MARCHF1: variants seen among roughly 807,000 people sequenced by gnomAD.
The protein encoded by MARCHF1 is E3 ubiquitin-protein ligase MARCHF1.
A neutral mutation model predicts 54.2 loss-of-function variants in MARCHF1; 40 were observed. The observed-to-expected ratio is 0.74, with a 90% CI of 0.57 to 0.96. The LOEUF (loss-of-function observed/expected upper bound fraction) is 0.96, where lower values mean the gene tolerates loss of function less well. MARCHF1 is among the 40% of genes least tolerant of loss of function. The probability of loss-of-function intolerance (pLI) is 0.00; values close to 1 mark genes in which losing one functional copy is unlikely to be tolerated. For synonymous variants in MARCHF1, 236 were observed against 236.3 expected (o/e 1.00, Z 0.01); for missense variants, 586 against 656.5 (o/e 0.89, Z 1.17).
At chr4:164,350,453 T>G (rs1297124106) in intron 1 of MARCHF1, among the ~76,000 whole-genome samples, 1 of 152,158 alleles carries the variant, frequency 6.6e-6, no homozygotes, top group Non-Finnish European at 1.5e-5. Flanking sequence ...ATAGGATGAA[T>G]ATATTTAATA....
chr4:164,206,264 C>T (rs1731603896), intron 1 of MARCHF1, among the ~76,000 whole-genome samples: 1 of 152,054 alleles, frequency 6.6e-6, no homozygotes, highest in Non-Finnish European at 1.5e-5. Context: ...TGGCGAAATC[C>T]CGTCTCTACT....
intron 1 of MARCHF1, among the ~76,000 whole-genome samples, chr4:164,286,814 C>T (rs1024542152): frequency 6.7e-6 from 1 of 149,866 alleles, no homozygotes; most frequent in South Asian, 2.1e-4. Flanking sequence ...CAGAAACATA[C>T]ACATGATTTA....
rs1747805389 is a variant in MARCHF1, at chr4:163,792,736, A to G, written c.111+61285T>C. On this transcript the variant is annotated intron_variant, in intron 4 of 9. Coordinates refer to ENST00000514618, the MANE Select transcript of MARCHF1 (RefSeq NM_001394959.1). ...AGAATTAAACGTTAAGAACCACAAC[A>G]CTTAAAAACTACATATTGCAATGTA... Among the ~76,000 whole-genome samples, 6 of 152,158 alleles carry G rather than the reference A, an allele frequency of 3.9e-5. No individual in the cohort carries two copies. In the South Asian group the frequency reaches 1.2e-3, roughly 31 times the overall value.
chr4:164,153,236 G>T (rs1252920388), intron 1 of MARCHF1, among the ~76,000 whole-genome samples: 2 of 149,728 alleles, frequency 1.3e-5, no homozygotes, highest in Non-Finnish European at 1.5e-5. Context: ...CACTAAAGCA[G>T]TCACTTACAC....
At chr4:163,673,514 C>T (rs561775998) in intron 5 of MARCHF1, among the ~76,000 whole-genome samples, 1 of 151,850 alleles carries the variant, frequency 6.6e-6, no homozygotes, top group Non-Finnish European at 1.5e-5. Flanking sequence ...AAACAAAACA[C>T]TAACAGAAGA....
At chr4:163,553,512 C>G (rs1189556468) in intron 8 of MARCHF1, among the ~76,000 whole-genome samples, 1 of 152,042 alleles carries the variant, frequency 6.6e-6, no homozygotes, top group Non-Finnish European at 1.5e-5. Flanking sequence ...ACTATGTGAA[C>G]AAAGATAAGA....
At chr4:163,766,909 A>T (rs1746992637) in intron 4 of MARCHF1, among the ~76,000 whole-genome samples, 1 of 152,152 alleles carries the variant, frequency 6.6e-6, no homozygotes, top group South Asian at 2.1e-4. Flanking sequence ...TATGTAAAAA[A>T]TAGTTTCCTC....
chr4:163,782,823 T>C (rs962073664), intron 4 of MARCHF1, among the ~76,000 whole-genome samples: 4 of 152,002 alleles, frequency 2.6e-5, no homozygotes, highest in Non-Finnish European at 1.5e-5. Flanking sequence ...GAATATGAAG[T>C]ACTAGAACTA....
rs139292416 is a variant in MARCHF1, at chr4:163,827,749, A to G, written c.111+26272T>C. On this transcript the variant is annotated intron_variant, in intron 4 of 9. Transcript: ENST00000514618. ...TAATATTATTAATTCTTTGTATACTATGTATACACTGAACCTTATTTTGCA... is the reference window on the plus strand; with the variant it reads ...TAATATTATTAATTCTTTGTATACTGTGTATACACTGAACCTTATTTTGCA... 5.9e-3 allele frequency among the ~76,000 whole-genome samples: 898 copies of G among 152,242 alleles called. 9 individuals are homozygous for G. The highest frequency in any genetic ancestry group is 0.021 in the African/African-American group (853 of 41,540).
chr4:163,748,965 G>A (rs886500652), intron 4 of MARCHF1, among the ~76,000 whole-genome samples: 9 of 152,210 alleles, frequency 5.9e-5, no homozygotes, highest in Non-Finnish European at 1.2e-4. Flanking sequence ...TCATGTGAAC[G>A]TGTAAGGGTC....
intron 2 of MARCHF1, among the ~76,000 whole-genome samples, chr4:164,040,103 T>C (rs2111016159): frequency 6.9e-6 from 1 of 145,718 alleles, no homozygotes; most frequent in African/African-American, 2.5e-5. Flanking sequence ...TATAAGTATA[T>C]TTTTCAATTA....
intron 4 of MARCHF1, among the ~76,000 whole-genome samples, chr4:163,736,805 ATAGT>A (rs1746047158): frequency 1.3e-5 from 2 of 152,192 alleles, no homozygotes; most frequent in Non-Finnish European, 2.9e-5. Context: ...CAGTCAACAG[ATAGT>A]TATTTTACAC....
rs543598834 is a variant in MARCHF1, at chr4:163,759,717, TAA to T, written c.112-58856_112-58855del. ...TGTTAATTTATTTTTTCTTCTTTTTTAAAAGACTTTTTTCTTTTATAAAAGCC... is the reference window on the plus strand; with the variant it reads ...TGTTAATTTATTTTTTCTTCTTTTTTAAGACTTTTTTCTTTTATAAAAGCC... On this transcript the variant is annotated intron_variant, in intron 4 of 9. Transcript: ENST00000514618. Among the ~76,000 whole-genome samples the T allele has an allele frequency of 2.9e-3, 439 of 152,346 alleles. 3 individuals carry two copies. The highest frequency in any genetic ancestry group is 0.01 in the African/African-American group (430 of 41,586).
intron 1 of MARCHF1, among the ~76,000 whole-genome samples, chr4:164,209,319 C>G (rs1731701231): frequency 6.6e-6 from 1 of 152,166 alleles, no homozygotes; most frequent in African/African-American, 2.4e-5. Context: ...CTTCCAAGAT[C>G]TCCATACTCA....
intron 1 of MARCHF1, among the ~76,000 whole-genome samples, chr4:164,216,887 AAT>A (rs1211972579): frequency 6.6e-6 from 1 of 152,182 alleles, no homozygotes; most frequent in Non-Finnish European, 1.5e-5. Flanking sequence ...ATAACCCAAG[AAT>A]ACTTTAACTA....
At chr4:164,020,040 G>A (rs758203122) in intron 2 of MARCHF1, among the ~76,000 whole-genome samples, 2 of 152,152 alleles carry the variant, frequency 1.3e-5, no homozygotes, top group African/African-American at 4.8e-5. Flanking sequence ...TTATTTCAGA[G>A]AAGCAATCTT....
intron 1 of MARCHF1, among the ~76,000 whole-genome samples, chr4:164,149,065 T>C (rs1251854724): frequency 1.3e-5 from 2 of 152,186 alleles, no homozygotes; most frequent in Non-Finnish European, 2.9e-5. Context: ...TTTTACCCTA[T>C]GAGTTCATGT....
intron 1 of MARCHF1, among the ~76,000 whole-genome samples, chr4:164,171,957 T>C (rs1730536082): frequency 6.6e-6 from 1 of 152,326 alleles, no homozygotes; most frequent in South Asian, 2.1e-4. Context: ...AAATGTATAG[T>C]TGAGCGCTGT....
chr4:163,865,966 T>C (rs892555101), intron 3 of MARCHF1, among the ~76,000 whole-genome samples: 8 of 151,672 alleles, frequency 5.3e-5, no homozygotes, highest in Non-Finnish European at 1.2e-4. Flanking sequence ...TCCTTTCCCA[T>C]AGTAACAGCT....
Sources: allele counts gnomAD v4.1 joint callset (sites outside exome capture counted in the v4.1 genomes callset), GRCh38; gene constraint gnomAD v4.1.1; transcripts MANE v1.5; gene names NCBI Gene and HGNC (gene_info 2026-07-23, HGNC 2026-07-21).